Variants in KCNJ3 observed in about 807,000 individuals in gnomAD.
KCNJ3 encodes potassium inwardly rectifying channel subfamily J member 3.
A neutral mutation model predicts 39.2 loss-of-function variants in KCNJ3; 4 were observed. The ratio of observed to expected loss-of-function variants is 0.10; its 90% CI spans 0.05 to 0.23. The LOEUF is 0.23. Among genes scored for constraint, KCNJ3 ranks in the 10% least tolerant of loss-of-function variants. The pLI, the probability that KCNJ3 is intolerant of heterozygous loss-of-function variation, is 1.00. For synonymous variants in KCNJ3, 230 were observed against 237.4 expected (o/e 0.97, Z 0.29); for missense variants, 276 against 634.9 (o/e 0.43, Z 6.08).
chr2:154,797,182 G>T (rs952715921), intron 2 of KCNJ3, among the ~76,000 whole-genome samples: 4 of 152,170 alleles, frequency 2.6e-5, no homozygotes, highest in Non-Finnish European at 4.4e-5. Flanking sequence ...GCTGTCACTT[G>T]TCTGGTGCCG....
chr2:154,771,207 A>G lies in KCNJ3; in HGVS notation c.919+61388A>G, dbSNP rs553772357. Among the ~76,000 whole-genome samples, 27 of 152,190 alleles carry G rather than the reference A, an allele frequency of 1.8e-4. No homozygotes were observed. In the South Asian group the frequency reaches 5.2e-3, roughly 29 times the overall value. ...CACCCTCCCAAGAAGATAATTTTCAATGGTTATTTGTTAAAGGAAATTTAT... is the reference window on the plus strand; with the variant it reads ...CACCCTCCCAAGAAGATAATTTTCAGTGGTTATTTGTTAAAGGAAATTTAT... On this transcript the variant is annotated intron_variant, in intron 2 of 2. Coordinates refer to ENST00000295101, the MANE Select transcript of KCNJ3 (RefSeq NM_002239.4).
chr2:154,833,409 C>A (rs978844630), intron 2 of KCNJ3, among the ~76,000 whole-genome samples: 2 of 152,166 alleles, frequency 1.3e-5, no homozygotes, highest in Non-Finnish European at 2.9e-5. Flanking sequence ...AGACTCTCAG[C>A]AAAATTAAGC....
chr2:154,702,056 A>AT (rs1684907799), intron 1 of KCNJ3, among the ~76,000 whole-genome samples: 2 of 152,030 alleles, frequency 1.3e-5, no homozygotes, highest in Admixed American at 6.5e-5. Flanking sequence ...AAGAACTGAG[A>AT]TTAAGTGACC....
chr2:154,763,158 A>G (rs1453350547), intron 2 of KCNJ3, among the ~76,000 whole-genome samples: 2 of 152,210 alleles, frequency 1.3e-5, no homozygotes, highest in African/African-American at 2.4e-5. Context: ...TATTAAAAGC[A>G]TAAATATCTT....
intron 1 of KCNJ3, chr2:154,709,376 G>A (rs1350320640): frequency 1.8e-6 from 1 of 546,432 alleles, no homozygotes; most frequent in Admixed American, 3.3e-5. Context: ...GTTAGGGAAT[G>A]GTAATTATAG....
At chr2:154,776,581 A>G (rs771581099) in intron 2 of KCNJ3, among the ~76,000 whole-genome samples, 1 of 152,186 alleles carries the variant, frequency 6.6e-6, no homozygotes, top group Non-Finnish European at 1.5e-5. Flanking sequence ...AAATTGTCAC[A>G]TATCTAATTT....
intron 2 of KCNJ3, among the ~76,000 whole-genome samples, chr2:154,836,094 C>T (rs1687455239): frequency 6.6e-6 from 1 of 151,782 alleles, no homozygotes; most frequent in African/African-American, 2.4e-5. Context: ...CCTGTAGTCC[C>T]AGCTACTCGG....
intron 1 of KCNJ3, among the ~76,000 whole-genome samples, chr2:154,700,377 A>G (rs1213971697): frequency 1.3e-5 from 2 of 152,216 alleles, no homozygotes; most frequent in Non-Finnish European, 2.9e-5. Flanking sequence ...AGTCCTTCTT[A>G]ATCACTCATC....
intron 2 of KCNJ3, among the ~76,000 whole-genome samples, chr2:154,765,863 T>G (rs1351589417): frequency 6.6e-6 from 1 of 152,232 alleles, no homozygotes; most frequent in Non-Finnish European, 1.5e-5. Flanking sequence ...GGTGTATTTT[T>G]GACAGTTGCT....
intron 2 of KCNJ3, among the ~76,000 whole-genome samples, chr2:154,758,998 C>T (rs1392890789): frequency 6.6e-6 from 1 of 152,060 alleles, no homozygotes; most frequent in Non-Finnish European, 1.5e-5. Flanking sequence ...GCCCTAGAGG[C>T]CTCTAAAAAC....
chr2:154,767,521 T>C (rs1371436542), intron 2 of KCNJ3, among the ~76,000 whole-genome samples: 1 of 152,110 alleles, frequency 6.6e-6, no homozygotes, highest in Non-Finnish European at 1.5e-5. Flanking sequence ...GAACTCATCC[T>C]TTTTTTATGG....
chr2:154,791,451 T>C (rs192736427), intron 2 of KCNJ3, among the ~76,000 whole-genome samples: 1 of 152,144 alleles, frequency 6.6e-6, no homozygotes, highest in East Asian at 1.9e-4. Context: ...TTATTATTAT[T>C]ATTTGAAGAA....
chr2:154,829,315 G>T (rs932751769), intron 2 of KCNJ3, among the ~76,000 whole-genome samples: 1 of 151,974 alleles, frequency 6.6e-6, no homozygotes, highest in Non-Finnish European at 1.5e-5. Flanking sequence ...GGTGTCTATT[G>T]TTTCCTTCTT....
At chr2:154,701,823 G>A (rs776288322) in intron 1 of KCNJ3, among the ~76,000 whole-genome samples, 16 of 152,030 alleles carry the variant, frequency 1.1e-4, no homozygotes, top group African/African-American at 2.4e-4. Context: ...TCCCCATGGC[G>A]AAGGGAGAGA....
At chr2:154,715,374 G>A (rs535431734) in intron 2 of KCNJ3, among the ~76,000 whole-genome samples, 70 of 152,226 alleles carry the variant, frequency 4.6e-4, no homozygotes, top group African/African-American at 1.7e-3. Context: ...TTATGGTACT[G>A]CTCATACACT....
intron 2 of KCNJ3, among the ~76,000 whole-genome samples, chr2:154,838,496 G>C (rs1016803099): frequency 2.0e-5 from 3 of 152,130 alleles, no homozygotes; most frequent in African/African-American, 7.2e-5. Flanking sequence ...GGGTAGTGAG[G>C]AGAATTATAT....
intron 2 of KCNJ3, among the ~76,000 whole-genome samples, chr2:154,816,198 A>G (rs185492490): frequency 2.2e-4 from 33 of 152,326 alleles, no homozygotes; most frequent in African/African-American, 7.7e-4. Context: ...AACAGTTAAA[A>G]AATTTTATAA....
intron 1 of KCNJ3, chr2:154,709,387 C>A: frequency 1.8e-6 from 1 of 564,848 alleles, no homozygotes; most frequent in Non-Finnish European, 3.2e-6. Context: ...GTAATTATAG[C>A]AAGTTGTGTA....
intron 2 of KCNJ3, among the ~76,000 whole-genome samples, chr2:154,824,345 A>G (rs922570467): frequency 6.6e-6 from 1 of 152,146 alleles, no homozygotes; most frequent in Non-Finnish European, 1.5e-5. Flanking sequence ...CAAGAAAAAT[A>G]AAATAGAAAT....
Sources: gnomAD v4.1 joint callset for allele counts (sites outside exome capture counted in the v4.1 genomes callset) on GRCh38, gnomAD v4.1.1 for gene constraint, MANE v1.5 for transcripts, NCBI Gene and HGNC (gene_info 2026-07-23, HGNC 2026-07-21) for gene names.